The following MACO1 variants were observed in gnomAD, a reference collection of about 807,000 sequenced individuals.
MACO1 encodes the protein macoilin.
Under a neutral mutation model 78.7 loss-of-function variants are expected in MACO1, and 14 were observed. The ratio of observed to expected loss-of-function variants is 0.18; its 90% CI spans 0.12 to 0.28. The LOEUF (loss-of-function observed/expected upper bound fraction) is 0.28. Among genes scored for constraint, MACO1 ranks in the 10% least tolerant of loss-of-function variants. MACO1 has a pLI of 1.00. For synonymous variants in MACO1, 288 were observed against 291.6 expected (o/e 0.99, Z 0.12); for missense variants, 501 against 799.0 (o/e 0.63, Z 4.50).
intron 6 of MACO1, among the ~76,000 whole-genome samples, chr1:25,460,686 C>T (rs2043163055): frequency 6.6e-6 from 1 of 152,174 alleles, no homozygotes. Context: ...ATTGACTCTA[C>T]TATCTGATCT....
At chr1:25,483,015 A>G (rs1228809593) in intron 6 of MACO1, among the ~76,000 whole-genome samples, 1 of 152,116 alleles carries the variant, frequency 6.6e-6, no homozygotes, top group Admixed American at 6.5e-5. Flanking sequence ...AAGTTTTCCC[A>G]TGAAGAAAGA....
intron 7 of MACO1, among the ~76,000 whole-genome samples, chr1:25,484,849 G>C (rs921134996): frequency 1.3e-5 from 2 of 152,022 alleles, no homozygotes; most frequent in South Asian, 4.1e-4. Context: ...CAGGCTGTTG[G>C]CTTTCTGGGC....
chr1:25,439,037 C>T (rs941142830), intron 1 of MACO1, among the ~76,000 whole-genome samples: 4 of 152,002 alleles, frequency 2.6e-5, no homozygotes, highest in African/African-American at 4.8e-5. Flanking sequence ...CAGCAATCAT[C>T]TTGGGGCAGG....
chr1:25,476,432 A>C (rs1011093403), intron 6 of MACO1, among the ~76,000 whole-genome samples: 1 of 152,156 alleles, frequency 6.6e-6, no homozygotes, highest in Non-Finnish European at 1.5e-5. Context: ...GTATTTCCAA[A>C]TCTGTGGTTT....
chr1:25,471,375 G>A (rs1441080973), intron 6 of MACO1, among the ~76,000 whole-genome samples: 1 of 151,860 alleles, frequency 6.6e-6, no homozygotes, highest in Non-Finnish European at 1.5e-5. Context: ...AAAAATATGG[G>A]TAGATATATT....
At chr1:25,436,452 T>C (rs184510324) in intron 1 of MACO1, among the ~76,000 whole-genome samples, 3 of 152,302 alleles carry the variant, frequency 2.0e-5, no homozygotes, top group East Asian at 3.9e-4. Context: ...TCTTCAGATA[T>C]ACTGATTAGT....
intron 1 of MACO1, among the ~76,000 whole-genome samples, chr1:25,440,507 G>A (rs915881844): frequency 2.6e-5 from 4 of 151,688 alleles, no homozygotes; most frequent in African/African-American, 7.3e-5. Flanking sequence ...AGTGGCTCAC[G>A]CCTGTAATCC....
At chr1:25,497,547 G>A (rs566508005) in intron 10 of MACO1, among the ~76,000 whole-genome samples, 1 of 152,312 alleles carries the variant, frequency 6.6e-6, no homozygotes, top group Admixed American at 6.5e-5. Context: ...GGCAGGAGCT[G>A]ACTGGATCAA....
chr1:25,454,968 T>C (rs2043107028), intron 4 of MACO1, among the ~76,000 whole-genome samples: 1 of 152,116 alleles, frequency 6.6e-6, no homozygotes, highest in Non-Finnish European at 1.5e-5. Flanking sequence ...TTGTGTTGCC[T>C]TGTCACTGCC....
intron 8 of MACO1, 127 bp from the exon 9 acceptor site, chr1:25,489,046 C>A (rs2043460156): frequency 1.6e-6 from 2 of 1,223,592 alleles, no homozygotes; most frequent in African/African-American, 1.5e-5. Flanking sequence ...GTCTCGAACC[C>A]CTGACCTCAA....
intron 10 of MACO1, among the ~76,000 whole-genome samples, chr1:25,493,826 G>A (rs934773216): frequency 2.7e-5 from 4 of 145,894 alleles, no homozygotes; most frequent in Admixed American, 1.4e-4. Context: ...TCCAGCTCCC[G>A]GGTTCACGCC....
chr1:25,446,246 A>G (rs938056815), intron 1 of MACO1, among the ~76,000 whole-genome samples: 2 of 152,218 alleles, frequency 1.3e-5, no homozygotes, highest in African/African-American at 4.8e-5. Flanking sequence ...TGGTTAATGC[A>G]GATGAATACT....
intron 2 of MACO1, among the ~76,000 whole-genome samples, chr1:25,447,850 G>T (rs1230523417): frequency 6.6e-6 from 1 of 152,174 alleles, no homozygotes; most frequent in African/African-American, 2.4e-5. Context: ...CTTGATTAAT[G>T]TGTTAATTCT....
In MACO1 at chr1:25,430,946, C is replaced by CCGGG; in HGVS notation, c.-153_-152insCGGG. On this transcript the variant is annotated 5_prime_UTR_variant, in exon 1 of 11. Coordinates refer to ENST00000374343, the MANE Select transcript of MACO1 (RefSeq NM_018202.6). ...GAGGAGGCTCCGAGCCCCCCCTCCC[C>CCGGG]GTGCTACCCCCTCCCCCCGGGTGCT... The CCGGG allele has an allele frequency of 4.6e-6, 2 of 435,500 alleles. No homozygotes were observed. The highest frequency in any genetic ancestry group is 4.1e-6 in the Non-Finnish European group (1 of 241,918). The allele number at this position is 435,500 out of a possible 1,614,324, so 27.0% of individuals were successfully genotyped here.
At chr1:25,454,865 A>G (rs936858925) in intron 4 of MACO1, among the ~76,000 whole-genome samples, 4 of 152,154 alleles carry the variant, frequency 2.6e-5, no homozygotes, top group Admixed American at 2.0e-4. Flanking sequence ...GAAATTTTAC[A>G]TGGATCCAGA....
At chr1:25,484,769 G>T (rs2043414372) in intron 7 of MACO1, among the ~76,000 whole-genome samples, 1 of 152,170 alleles carries the variant, frequency 6.6e-6, no homozygotes, top group Non-Finnish European at 1.5e-5. Context: ...TCTTAACTCA[G>T]TGTAGGTCTG....
chr1:25,437,465 T>G (rs1403335706), intron 1 of MACO1, among the ~76,000 whole-genome samples: 2 of 152,062 alleles, frequency 1.3e-5, no homozygotes, highest in Admixed American at 1.3e-4. Context: ...CCAACACTTT[T>G]AAAAACCAAA....
intron 6 of MACO1, among the ~76,000 whole-genome samples, chr1:25,469,255 G>A (rs935111938): frequency 1.3e-5 from 2 of 152,160 alleles, no homozygotes; most frequent in African/African-American, 2.4e-5. Context: ...CTATAAATAA[G>A]CTATGTAATG....
chr1:25,459,711 A>G (rs1201438164), intron 6 of MACO1, among the ~76,000 whole-genome samples: 1 of 152,104 alleles, frequency 6.6e-6, no homozygotes, highest in African/African-American at 2.4e-5. Context: ...TCCTGACCTC[A>G]GGTGATCCAC....
Sources: gnomAD v4.1 joint callset for allele counts (sites outside exome capture counted in the v4.1 genomes callset) on GRCh38, gnomAD v4.1.1 for gene constraint, MANE v1.5 for transcripts, NCBI Gene and HGNC (gene_info 2026-07-23, HGNC 2026-07-21) for gene names.